Variants in PKIB observed in about 807,000 individuals in gnomAD.
PKIB encodes PKI-beta.
In PKIB, 2 loss-of-function variants were observed where a neutral mutation model predicts 4.5. The ratio of observed to expected loss-of-function variants is 0.44; its 90% confidence interval spans 0.18 to 1.39. The LOEUF is 1.39. Among genes scored for constraint, PKIB ranks in the 40% most tolerant of loss-of-function variants. PKIB has a pLI of 0.27. For synonymous variants in PKIB, 38 were observed against 36.0 expected, an observed-to-expected ratio of 1.06 and a Z score of -0.20; for missense variants, 94 against 92.6, an observed-to-expected ratio of 1.02 and a Z score of -0.06.
chr6:122,586,523 T>C (rs1773852915), intron 3 of PKIB, among the ~76,000 whole-genome samples: 1 of 152,130 alleles, frequency 6.6e-6, no homozygotes, highest in South Asian at 2.1e-4. Flanking sequence ...GAAGAGAATG[T>C]GTAGGCTCAG....
rs758325447 is a variant in PKIB, at chr6:122,669,136, A to G, written c.-75-5942A>G. Among the ~76,000 whole-genome samples, 4 of 152,186 alleles carry G rather than the reference A, an allele frequency of 2.6e-5. No individual in the cohort carries two copies. In the South Asian group the frequency reaches 8.3e-4, roughly 32 times the overall value. On this transcript the variant is annotated intron_variant, in intron 2 of 4. Transcript: ENST00000368452. ...GGCACTTATGCTTCATTTTCCCTTCATTCTTGTCACCTCTTTTCTTCCTCT... is the reference window on the plus strand; with the variant it reads ...GGCACTTATGCTTCATTTTCCCTTCGTTCTTGTCACCTCTTTTCTTCCTCT...
rs1429845583 is a variant in PKIB, at chr6:122,502,364, C to G, written c.-248+24425C>G. Among the ~76,000 whole-genome samples, 5 of 151,744 alleles carry G rather than the reference C, an allele frequency of 3.3e-5. No homozygotes were observed. In the South Asian group the frequency reaches 8.3e-4, roughly 25 times the overall value. ...TTTTTATGCCACTATAAAGACATACCTGAGCCTGGGTAGTTTATGGAGAAA... is the reference window on the plus strand; with the variant it reads ...TTTTTATGCCACTATAAAGACATACGTGAGCCTGGGTAGTTTATGGAGAAA... On this transcript the variant is annotated intron_variant, in intron 2 of 6. Transcript: ENST00000392491.
rs966378360 is a variant in PKIB at position 122,482,051 on chromosome 6, C to T, written c.-248+4112C>T. ...TCGGCTCACTGCAGGCTCCGCCCCTCTGGGGTTCACGCCATTCTCCTGCCT... is the reference window on the plus strand; with the variant it reads ...TCGGCTCACTGCAGGCTCCGCCCCTTTGGGGTTCACGCCATTCTCCTGCCT... On this transcript the variant is annotated intron_variant, in intron 2 of 6. Coordinates refer to the PKIB transcript ENST00000392491. 5 of 151,506 alleles carry T rather than the reference C, an allele frequency of 3.3e-5. No homozygotes were observed. The East Asian group carries it at 5.8e-4, about 18-fold the overall frequency. The allele number at this position is 151,506 out of a possible 1,614,324, so 9.4% of individuals were successfully genotyped here. A position where few individuals can be genotyped will look rare whatever the true frequency, so the allele number is the denominator to read the frequency against.
intron 2 of PKIB, among the ~76,000 whole-genome samples, chr6:122,501,486 C>A (rs1042498829): frequency 6.6e-6 from 1 of 152,180 alleles, no homozygotes; most frequent in Non-Finnish European, 1.5e-5. Flanking sequence ...CTTCTGTGCA[C>A]CCTCAGGCCA....
Position 122,615,414 on chromosome 6 carries a change from A to C in PKIB, c.-161+4879A>C, listed in dbSNP as rs1186360300. Among the ~76,000 whole-genome samples the C allele has an allele frequency of 2.6e-5, 4 of 152,106 alleles. No individual in the cohort carries two copies. In the South Asian group the frequency reaches 8.3e-4, roughly 32 times the overall value. ...TAGGAGATGAAAATAATTGAGTTTG[A>C]TGGTAGTTGGGATATGAAGTTAAGA... On this transcript the variant is annotated intron_variant, in intron 1 of 4. Coordinates refer to ENST00000368452, the MANE Select transcript of PKIB (RefSeq NM_181795.3).
chr6:122,645,010 T>C (rs1425153269), intron 2 of PKIB, among the ~76,000 whole-genome samples: 1 of 152,220 alleles, frequency 6.6e-6, no homozygotes, highest in South Asian at 2.1e-4. Context: ...TTTATTTTAT[T>C]TTTCAATTTT....
At chr6:122,511,080 A>G (rs961169389) in intron 2 of PKIB, among the ~76,000 whole-genome samples, 1 of 152,202 alleles carries the variant, frequency 6.6e-6, no homozygotes, top group Non-Finnish European at 1.5e-5. Context: ...CCTGATCATT[A>G]GACTCCTTTC....
At chr6:122,705,840 C>T (rs116967633) in intron 3 of PKIB, among the ~76,000 whole-genome samples, 1,793 of 152,202 alleles carry the variant, frequency 0.012, 17 homozygotes, top group Non-Finnish European at 0.018. Context: ...GCTGGGATTA[C>T]GGCATGAGCC....
At chr6:122,588,610 G>A (rs768339775) in intron 3 of PKIB, among the ~76,000 whole-genome samples, 20 of 152,134 alleles carry the variant, frequency 1.3e-4, no homozygotes, top group South Asian at 6.2e-4. Context: ...ATTTTTTGTA[G>A]TTTTTTAAAA....
chr6:122,641,548 A>G (rs1776121319), intron 2 of PKIB, among the ~76,000 whole-genome samples: 1 of 152,206 alleles, frequency 6.6e-6, no homozygotes. Flanking sequence ...GCATATGAAG[A>G]AAACAAAGCT....
At chr6:122,698,691 T>G (rs1778678189) in intron 3 of PKIB, among the ~76,000 whole-genome samples, 1 of 152,180 alleles carries the variant, frequency 6.6e-6, no homozygotes, top group African/African-American at 2.4e-5. Context: ...TTTGGACAGC[T>G]TCTACAGCCT....
intron 2 of PKIB, among the ~76,000 whole-genome samples, chr6:122,556,581 T>C (rs1196815938): frequency 6.6e-6 from 1 of 152,144 alleles, no homozygotes; most frequent in Non-Finnish European, 1.5e-5. Flanking sequence ...GCTCTACAAC[T>C]TGGGCCATAT....
rs577273084 is a variant in PKIB, at chr6:122,508,309, C to T, written c.-248+30370C>T. 1.1e-4 allele frequency among the ~76,000 whole-genome samples: 16 copies of T among 152,280 alleles called. No individual in the cohort carries two copies. The South Asian group carries it at 1.7e-3, about 16-fold the overall frequency. On this transcript the variant is annotated intron_variant, in intron 2 of 6. Transcript: ENST00000392491. ...TTGCCAAATGTAGGAACGTGGGTGA[C>T]GTCTGTTTGTCAGATTATGTTAGGT...
At chr6:122,543,623 AC>A (rs1178789478) in intron 2 of PKIB, among the ~76,000 whole-genome samples, 17 of 151,760 alleles carry the variant, frequency 1.1e-4, no homozygotes, top group African/African-American at 4.1e-4. Context: ...CACATAATCT[AC>A]CCACCTCAGT....
intron 2 of PKIB, among the ~76,000 whole-genome samples, chr6:122,668,171 G>A (rs1777306181): frequency 6.6e-6 from 1 of 152,136 alleles, no homozygotes; most frequent in East Asian, 1.9e-4. Flanking sequence ...GAAGTGAAAA[G>A]TATTGTCTGG....
At chr6:122,620,416 A>G (rs569897262) in intron 1 of PKIB, among the ~76,000 whole-genome samples, 1 of 152,354 alleles carries the variant, frequency 6.6e-6, no homozygotes. Flanking sequence ...CGAAAAGCTC[A>G]TTATAGACTA....
chr6:122,502,116 C>T (rs1035806315), intron 2 of PKIB, among the ~76,000 whole-genome samples: 44 of 151,704 alleles, frequency 2.9e-4, no homozygotes, highest in African/African-American at 8.0e-4. Context: ...CCACACCCAG[C>T]TAATTTACAC....
At chr6:122,711,633 AC>A (rs1358959833) in intron 3 of PKIB, among the ~76,000 whole-genome samples, 1 of 152,154 alleles carries the variant, frequency 6.6e-6, no homozygotes, top group African/African-American at 2.4e-5. Context: ...ACAGACACAT[AC>A]TCAAGGAGGC....
At chr6:122,613,263 G>A (rs551713877) in intron 1 of PKIB, among the ~76,000 whole-genome samples, 11 of 152,198 alleles carry the variant, frequency 7.2e-5, no homozygotes, top group East Asian at 3.9e-4. Flanking sequence ...AATTTTAATT[G>A]AGTTAGAAAA....
Sources: allele counts gnomAD v4.1 joint callset (sites outside exome capture counted in the v4.1 genomes callset), GRCh38; gene constraint gnomAD v4.1.1; transcripts MANE v1.5; gene names NCBI Gene and HGNC (gene_info 2026-07-23, HGNC 2026-07-21).